ELFN1: variants seen among roughly 807,000 people sequenced by gnomAD.
ELFN1 encodes protein ELFN1.
Under a neutral mutation model 7.6 loss-of-function variants are expected in ELFN1, and 6 were observed. That is an observed-to-expected ratio of 0.79 (90% CI 0.43 to 1.56). ELFN1 has a LOEUF of 1.56. ELFN1 is among the 40% of genes most tolerant of loss of function. The pLI is 0.01. For missense variants in ELFN1, 1,169 were observed against 1,232.2 expected (o/e 0.95, Z 0.77); for synonymous variants, 657 against 588.1 (o/e 1.12, Z -1.70).
At position 1,684,896 on chromosome 7, in the gene ELFN1, A is replaced by G. The variant is rs185024863; in HGVS notation, c.-548-3162A>G. ...AGTTAAGGGAAGGAAAGAGAAAGTA[A>G]TACATTTATAGAGCTTTTTATATTC... On this transcript the variant is annotated intron_variant, in intron 1 of 3. Transcript: ENST00000424383. Among the ~76,000 whole-genome samples, 26 of 152,324 alleles carry G rather than the reference A, an allele frequency of 1.7e-4. 1 individual carries two copies. Among genetic ancestry groups the G allele is most frequent in the Middle Eastern group, 6.8e-3 (2 of 294 alleles).
chr7:1,703,052 G>A (rs1225521368), intron 2 of ELFN1, among the ~76,000 whole-genome samples: 2 of 152,182 alleles, frequency 1.3e-5, no homozygotes, highest in Non-Finnish European at 1.5e-5. Flanking sequence ...TTTATTTTTA[G>A]TTTGGTGTTT....
intron 1 of ELFN1, among the ~76,000 whole-genome samples, chr7:1,678,361 C>G (rs1003104573): frequency 6.6e-6 from 1 of 152,216 alleles, no homozygotes; most frequent in Non-Finnish European, 1.5e-5. Flanking sequence ...CAGAGCAGCT[C>G]TCCCGCCCCA....
chr7:1,686,782 G>A (rs1779069104), intron 1 of ELFN1, among the ~76,000 whole-genome samples: 1 of 152,048 alleles, frequency 6.6e-6, no homozygotes, highest in Admixed American at 6.6e-5. Context: ...CCTCTCTGCT[G>A]TCCCCTGTGT....
upstream of ELFN1, among the ~76,000 whole-genome samples, chr7:1,666,572 A>C (rs1168809750): frequency 1.3e-5 from 2 of 150,776 alleles, no homozygotes; most frequent in African/African-American, 2.5e-5. The surrounding 1 kb of genome is among the most constrained non-coding windows in gnomAD (Gnocchi z 7.9). Context: ...AGGGCTAGGG[A>C]GGCGCCGCGG....
rs1314152810 is a variant in ELFN1 at position 1,673,223 on chromosome 7, C to G, written c.-549+2869C>G. ...CCACTGCAGTGGACGATGGCGCCATCCATTCCAGCACCAGCTGTACAGATG... is the reference window on the plus strand; with the variant it reads ...CCACTGCAGTGGACGATGGCGCCATGCATTCCAGCACCAGCTGTACAGATG... On this transcript the variant is annotated intron_variant, in intron 1 of 3. Coordinates refer to ENST00000424383, the MANE Select transcript of ELFN1 (RefSeq NM_001128636.4). This position sits in a 1 kb window ranked among gnomAD's most constrained non-coding sequence, Gnocchi z 4.7. 6.6e-6 allele frequency among the ~76,000 whole-genome samples: 1 copy of G among 152,138 alleles called. No homozygotes were observed. Among genetic ancestry groups the G allele is most frequent in the Non-Finnish European group, 1.5e-5 (1 of 68,018 alleles).
chr7:1,691,316 G>C (rs1438107074), intron 2 of ELFN1, among the ~76,000 whole-genome samples: 3 of 152,214 alleles, frequency 2.0e-5, no homozygotes, highest in Non-Finnish European at 4.4e-5. Context: ...GAGTCTGGGA[G>C]TCAGGGCTCT....
rs906926332 is a variant in ELFN1, at chr7:1,673,601, C to T, written c.-549+3247C>T. On this transcript the variant is annotated intron_variant, in intron 1 of 3. Coordinates refer to ENST00000424383, the MANE Select transcript of ELFN1 (RefSeq NM_001128636.4). This position sits in a 1 kb window ranked among gnomAD's most constrained non-coding sequence, Gnocchi z 4.7. ...GGGAGGGCGGGAGGTGAGAGACCAC[C>T]CTGGGAGCGCTGATGGCAGACAAGG... is the stretch of plus-strand genomic sequence containing the variant. Among the ~76,000 whole-genome samples the T allele has an allele frequency of 2.0e-5, 3 of 152,176 alleles. No individual in the cohort carries two copies. The highest frequency in any genetic ancestry group is 7.2e-5 in the African/African-American group (3 of 41,436).
At chr7:1,727,079 C>T (rs1780218050) in intron 3 of ELFN1, among the ~76,000 whole-genome samples, 1 of 152,172 alleles carries the variant, frequency 6.6e-6, no homozygotes, top group Non-Finnish European at 1.5e-5. Context: ...GCACTCATAG[C>T]CTCTGTGATC....
intron 3 of ELFN1, among the ~76,000 whole-genome samples, chr7:1,722,928 C>G (rs960540400): frequency 2.0e-5 from 3 of 152,156 alleles, no homozygotes; most frequent in Non-Finnish European, 4.4e-5. Flanking sequence ...GGTGCGGTGG[C>G]TCACGCCTGT....
At position 1,712,042 on chromosome 7, in the gene ELFN1, A is replaced by T. The variant is rs1393184575; in HGVS notation, c.-294+2790A>T. Among the ~76,000 whole-genome samples the T allele has an allele frequency of 5.9e-5, 9 of 152,308 alleles. No homozygotes were observed. The East Asian group carries it at 1.7e-3, about 29-fold the overall frequency. On this transcript the variant is annotated intron_variant, in intron 3 of 3. Transcript: ENST00000424383. ...CAGGCCTTTGCCACAGCCGTTGGGG[A>T]TGGGACAGTGGTTGGGAGGCGTGAG...
chr7:1,732,342 A>G lies in ELFN1; in HGVS notation c.-293-11962A>G, dbSNP rs374253910. On this transcript the variant is annotated intron_variant, in intron 3 of 3. Transcript: ENST00000424383. ...GCAAAATGAGAGCTGAGAGACAGCA[A>G]GGACCCTCACTGATGCCCAGTCAGC... Among the ~76,000 whole-genome samples, 8 of 152,326 alleles carry G rather than the reference A, an allele frequency of 5.3e-5. No homozygotes were observed. The South Asian group carries it at 8.3e-4, about 16-fold the overall frequency.
At chr7:1,699,591 ATGATG>A (rs1385700580) in intron 2 of ELFN1, among the ~76,000 whole-genome samples, 4 of 152,168 alleles carry the variant, frequency 2.6e-5, no homozygotes, top group Non-Finnish European at 5.9e-5. Flanking sequence ...GCAGTGAACC[ATGATG>A]CATCACTGCA....
chr7:1,675,937 G>C (rs903820142), intron 1 of ELFN1, among the ~76,000 whole-genome samples: 3 of 152,202 alleles, frequency 2.0e-5, no homozygotes, highest in African/African-American at 7.2e-5. Context: ...GAAGCCCAAG[G>C]GGCTGGGGAC....
In ELFN1 at chr7:1,745,695, C is replaced by A. The variant is rs1420957867; in HGVS notation, c.1099C>A (p.Arg367Ser). ...SRLTKAQEEI[R>S]LTNLFTLTNY... Reference sequence around the variant, plus strand: ...GCTGACCAAGGCCCAGGAGGAGATCCGTCTGACCAACCTGTTCACGCTCAC... The same window carrying A: ...GCTGACCAAGGCCCAGGAGGAGATCAGTCTGACCAACCTGTTCACGCTCAC... Residue 367 changes from arginine (R) to serine (S), a missense_variant, in exon 4 of 4, where the codon CGT (arginine) becomes AGT (serine). By Grantham distance (110) the Arg-to-Ser change is moderately radical. Coordinates refer to ENST00000424383, the MANE Select transcript of ELFN1 (RefSeq NM_001128636.4). The A allele has an allele frequency of 4.5e-6, 7 of 1,551,308 alleles. No homozygotes were observed. Among genetic ancestry groups the A allele is most frequent in the Non-Finnish European group, 5.2e-6 (6 of 1,147,002 alleles).
chr7:1,687,713 G>A (rs936067960), intron 1 of ELFN1, among the ~76,000 whole-genome samples: 1 of 152,100 alleles, frequency 6.6e-6, no homozygotes, highest in African/African-American at 2.4e-5. Context: ...AATTCTGGAA[G>A]AATTAAAGGT....
chr7:1,723,584 C>T (rs1425196102), intron 3 of ELFN1, among the ~76,000 whole-genome samples: 1 of 152,236 alleles, frequency 6.6e-6, no homozygotes, highest in East Asian at 1.9e-4. Context: ...GGTGTCTGCC[C>T]TGTCACCATT....
rs139210099 is a variant in ELFN1 at position 1,688,284 on chromosome 7, G to C, written c.-456+134G>C. ...TGAAAATATCTTCTCTCATTCCATG[G>C]CTTGCCATTTCACTCTTTCAGTCAT... On this transcript the variant is annotated intron_variant, in intron 2 of 3. Coordinates refer to ENST00000424383, the MANE Select transcript of ELFN1 (RefSeq NM_001128636.4). The C allele has an allele frequency of 6.1e-4, 92 of 151,950 alleles. 1 individual carries two copies. Among genetic ancestry groups the C allele is most frequent in the African/African-American group, 2.2e-3 (91 of 41,438 alleles). 9.4% of individuals were successfully genotyped at this position (151,950 alleles called of 1,614,324 possible).
At chr7:1,718,807 G>A (rs1384966217) in intron 3 of ELFN1, among the ~76,000 whole-genome samples, 2 of 152,062 alleles carry the variant, frequency 1.3e-5, no homozygotes, top group East Asian at 1.9e-4. Flanking sequence ...ATTCCCTCTC[G>A]CCCATTGATT....
Position 1,746,579 on chromosome 7 carries a change from GGCCGCGGCC to G in ELFN1, c.1988_1996del (p.Ala663_Ala665del). 1 of 1,347,586 alleles carries G rather than the reference GGCCGCGGCC, an allele frequency of 7.4e-7. No individual in the cohort carries two copies. The highest frequency in any genetic ancestry group is 9.5e-7 in the Non-Finnish European group (1 of 1,054,294). The allele number at this position is 1,347,586 out of a possible 1,614,324, so 83.5% of individuals were successfully genotyped here. On this transcript the variant is annotated inframe_deletion, in exon 4 of 4. Coordinates refer to ENST00000424383, the MANE Select transcript of ELFN1 (RefSeq NM_001128636.4). ...GAGCCGAGGCCGTCGGGGTGCACAA[GGCCGCGGCC>G]GCCGAGGCCAAGTACATCGAGAAGG...
Sources: allele counts gnomAD v4.1 joint callset (sites outside exome capture counted in the v4.1 genomes callset), GRCh38; gene constraint gnomAD v4.1.1; non-coding constraint Gnocchi (gnomAD v3.1); transcripts MANE v1.5; gene names NCBI Gene and HGNC (gene_info 2026-07-23, HGNC 2026-07-21).